The following FAM171A1 variants were observed in gnomAD, a reference collection of about 807,000 sequenced individuals.
The protein encoded by FAM171A1 is family with sequence similarity 171 member A1.
A neutral mutation model predicts 74.9 loss-of-function variants in FAM171A1; 23 were observed. The ratio of observed to expected loss-of-function variants is 0.31; its 90% CI spans 0.22 to 0.44. The LOEUF (loss-of-function observed/expected upper bound fraction) is 0.44, where lower values mean the gene tolerates loss of function less well. Among genes scored for constraint, FAM171A1 ranks in the 20% least tolerant of loss-of-function variants. The pLI is 1.00. For missense variants in FAM171A1, 1,162 were observed against 1,159.2 expected (o/e 1.00, Z -0.03); for synonymous variants, 527 against 505.7 (o/e 1.04, Z -0.57).
upstream of FAM171A1, among the ~76,000 whole-genome samples, chr10:15,373,072 G>A (rs1372015685): frequency 1.3e-5 from 2 of 152,190 alleles, no homozygotes; most frequent in African/African-American, 4.8e-5. Flanking sequence ...AAAGAATGAA[G>A]GATGGCACTT....
chr10:15,300,946 A>G (rs1471476704), intron 1 of FAM171A1, among the ~76,000 whole-genome samples: 1 of 152,024 alleles, frequency 6.6e-6, no homozygotes, highest in Non-Finnish European at 1.5e-5. Context: ...TTTACAAAAG[A>G]CCTCCTGAGA....
chr10:15,351,194 G>A (rs1264311702), intron 1 of FAM171A1, among the ~76,000 whole-genome samples: 1 of 152,208 alleles, frequency 6.6e-6, no homozygotes, highest in Non-Finnish European at 1.5e-5. Flanking sequence ...AAGAATGACT[G>A]TCTGTGCTCA....
intron 1 of FAM171A1, among the ~76,000 whole-genome samples, chr10:15,331,048 C>T (rs1285499006): frequency 6.6e-6 from 1 of 152,066 alleles, no homozygotes; most frequent in Admixed American, 6.6e-5. Flanking sequence ...CGCCACCACG[C>T]CTGGCTAATT....
rs376008441 is a variant in FAM171A1, at chr10:15,349,172, C to G, written c.97+21784G>C. On this transcript the variant is annotated intron_variant, in intron 1 of 7. Transcript: ENST00000378116. ...CTTAGATCATTATCCAGAAAAACGG[C>G]ATGTAATTAGGACTACACAGAAAGG... 9.2e-5 allele frequency among the ~76,000 whole-genome samples: 14 copies of G among 152,272 alleles called. 1 individual carries two copies. Among genetic ancestry groups the G allele is most frequent in the African/African-American group, 3.1e-4 (13 of 41,550 alleles).
At chr10:15,348,459 G>A (rs1175387438) in intron 1 of FAM171A1, among the ~76,000 whole-genome samples, 1 of 152,196 alleles carries the variant, frequency 6.6e-6, no homozygotes, top group Non-Finnish European at 1.5e-5. Context: ...TTCTTAAATT[G>A]AGATGTTAAA....
At position 15,214,459 on chromosome 10, in the gene FAM171A1, GCGGGCCAGGGA is replaced by G; in HGVS notation, c.1118_1128del (p.Phe373SerfsTer50). On this transcript the variant is annotated frameshift_variant, in exon 8 of 8. Transcript: ENST00000378116. LOFTEE classifies it high-confidence loss of function. ...GGGCGGCCGTGGCTGGTGACGGACA[GCGGGCCAGGGA>G]ATTCTGACGCTCGGCGTGAAAACAG... The G allele has an allele frequency of 6.2e-7, 1 of 1,614,200 alleles. No individual in the cohort carries two copies. Among genetic ancestry groups the G allele is most frequent in the Non-Finnish European group, 8.5e-7 (1 of 1,180,058 alleles).
At chr10:15,287,885 C>T (rs910046540) in intron 1 of FAM171A1, among the ~76,000 whole-genome samples, 13 of 152,004 alleles carry the variant, frequency 8.6e-5, no homozygotes, top group Non-Finnish European at 1.3e-4. Context: ...GTACACTGTA[C>T]CCAATGGGTA....
At chr10:15,225,381 C>T (rs889839420) in intron 5 of FAM171A1, among the ~76,000 whole-genome samples, 2 of 152,160 alleles carry the variant, frequency 1.3e-5, no homozygotes, top group South Asian at 4.1e-4. Flanking sequence ...GGGAACAGAA[C>T]CAGCTGGGGA....
chr10:15,240,869 AT>A (rs1191763738), intron 5 of FAM171A1: 3 of 299,638 alleles, frequency 1.0e-5, no homozygotes, highest in Non-Finnish European at 1.5e-5. Context: ...GCAAGACCCT[AT>A]CTCTACAAAA....
intron 1 of FAM171A1, among the ~76,000 whole-genome samples, chr10:15,342,579 C>T (rs1835776928): frequency 6.6e-6 from 1 of 152,004 alleles, no homozygotes; most frequent in Non-Finnish European, 1.5e-5. Flanking sequence ...AACAGAGGCT[C>T]TGTCTCAAAA....
chr10:15,257,382 G>A (rs77718352), intron 3 of FAM171A1, among the ~76,000 whole-genome samples: 2 of 152,158 alleles, frequency 1.3e-5, no homozygotes, highest in African/African-American at 2.4e-5. Context: ...CAGGACTTAC[G>A]GGGACTGGCC....
chr10:15,268,725 T>C (rs1274615043), intron 3 of FAM171A1, among the ~76,000 whole-genome samples: 1 of 151,972 alleles, frequency 6.6e-6, no homozygotes, highest in African/African-American at 2.4e-5. Context: ...CACTGGAGCC[T>C]CCCAAGAAGA....
intron 1 of FAM171A1, among the ~76,000 whole-genome samples, chr10:15,352,444 C>T (rs940792323): frequency 2.0e-5 from 3 of 152,050 alleles, no homozygotes; most frequent in African/African-American, 7.3e-5. Flanking sequence ...ACCAAGGGTC[C>T]AAAAGCTAGT....
intron 1 of FAM171A1, among the ~76,000 whole-genome samples, chr10:15,330,911 T>A (rs781641600): frequency 1.3e-5 from 2 of 150,958 alleles, no homozygotes; most frequent in South Asian, 4.2e-4. Context: ...TTTTTTGAGA[T>A]GGAGTCCTCA....
intron 1 of FAM171A1, among the ~76,000 whole-genome samples, chr10:15,322,763 C>A (rs192676105): frequency 1.3e-5 from 2 of 152,296 alleles, no homozygotes; most frequent in Admixed American, 1.3e-4. Context: ...GATCTTGCCC[C>A]CAGAATGGAC....
At chr10:15,215,931 C>T in intron 7 of FAM171A1, 65 bp downstream of exon 7, 3 of 1,017,314 alleles carry the variant, frequency 2.9e-6, no homozygotes, top group Non-Finnish European at 4.3e-6. Flanking sequence ...ATTAATGCTT[C>T]TAAGTATCAA....
At chr10:15,373,053 G>A (rs915838540), upstream of FAM171A1, among the ~76,000 whole-genome samples, 7 of 152,056 alleles carry the variant, frequency 4.6e-5, no homozygotes, top group Non-Finnish European at 5.9e-5. Flanking sequence ...GGCAGGCACC[G>A]TACCAAAAAA....
chr10:15,220,561 A>G (rs139912854), intron 6 of FAM171A1, among the ~76,000 whole-genome samples: 209 of 152,216 alleles, frequency 1.4e-3, no homozygotes, highest in African/African-American at 4.8e-3. Context: ...CCCAGTGGTG[A>G]CTTCCCACTA....
At chr10:15,372,893 C>T (rs1836167027), upstream of FAM171A1, among the ~76,000 whole-genome samples, 1 of 152,066 alleles carries the variant, frequency 6.6e-6, no homozygotes, top group African/African-American at 2.4e-5. Flanking sequence ...TCCACCTTCT[C>T]TTCCAACTAG....
Sources: allele counts gnomAD v4.1 joint callset (sites outside exome capture counted in the v4.1 genomes callset), GRCh38; gene constraint gnomAD v4.1.1; transcripts MANE v1.5; gene names NCBI Gene and HGNC (gene_info 2026-07-23, HGNC 2026-07-21).